The following EPB41L4A variants were observed in gnomAD, a reference collection of about 807,000 sequenced individuals.
EPB41L4A encodes the protein band 4.1-like protein 4A.
A neutral mutation model predicts 108.6 loss-of-function variants in EPB41L4A; 100 were observed. The ratio of observed to expected loss-of-function variants is 0.92; its 90% CI spans 0.78 to 1.09. The LOEUF (loss-of-function observed/expected upper bound fraction) is 1.09. Ranked by LOEUF, EPB41L4A falls within the 50% of genes least tolerant of loss-of-function variation. EPB41L4A has a pLI of 0.00. For missense variants in EPB41L4A, 1,030 were observed against 842.7 expected, an observed-to-expected ratio of 1.22 and a Z score of -2.75; for synonymous variants, 319 against 289.0, an observed-to-expected ratio of 1.10 and a Z score of -1.05.
At chr5:112,307,514 AT>A in intron 1 of EPB41L4A, 24 bp from the exon 2 acceptor site, 2 of 1,522,038 alleles carry the variant, frequency 1.3e-6, no homozygotes, top group Non-Finnish European at 1.8e-6. Flanking sequence ...TCAGTTTTAT[AT>A]TTTTTAACTG....
At chr5:112,142,764 T>G (rs1228321353) in exon 14 of EPB41L4A, 1 of 152,250 alleles carries the variant, frequency 6.6e-6, no homozygotes, top group African/African-American at 2.4e-5. Context: ...TTCTTAACTT[T>G]TGAAGTGTAT....
At chr5:112,311,862 T>C (rs1755075434) in intron 1 of EPB41L4A, among the ~76,000 whole-genome samples, 1 of 152,172 alleles carries the variant, frequency 6.6e-6, no homozygotes, top group South Asian at 2.1e-4. Context: ...ATGGGTCCTT[T>C]CTCCCATCTA....
chr5:112,142,223 G>A (rs986893535), downstream of EPB41L4A, among the ~76,000 whole-genome samples: 7 of 152,086 alleles, frequency 4.6e-5, no homozygotes, highest in Non-Finnish European at 7.3e-5. Context: ...CGAATCCCAC[G>A]GGATGGAGTT....
At chr5:112,405,790 TGATTC>T (rs1458953610) in intron 1 of EPB41L4A, among the ~76,000 whole-genome samples, 2 of 152,222 alleles carry the variant, frequency 1.3e-5, no homozygotes, top group African/African-American at 4.8e-5. Context: ...CTCCACCACA[TGATTC>T]AATACTTGAT....
chr5:112,239,925 A>T (rs1222932674), intron 10 of EPB41L4A, among the ~76,000 whole-genome samples, 188 bp from the exon 11 acceptor site: 1 of 152,234 alleles, frequency 6.6e-6, no homozygotes, highest in Non-Finnish European at 1.5e-5. Context: ...CCATTTAAAA[A>T]ACAAAACCAA....
intron 1 of EPB41L4A, among the ~76,000 whole-genome samples, chr5:112,368,050 C>A (rs987782862): frequency 5.9e-5 from 9 of 152,190 alleles, no homozygotes; most frequent in African/African-American, 2.2e-4. Flanking sequence ...TGTACAGAGA[C>A]TACTTGAGGG....
intron 12 of EPB41L4A, among the ~76,000 whole-genome samples, chr5:112,154,120 G>A (rs1053280689): frequency 6.6e-6 from 1 of 152,138 alleles, no homozygotes; most frequent in Admixed American, 6.6e-5. Flanking sequence ...AATAATGTAA[G>A]TGTGGATATA....
Position 112,164,982 on chromosome 5 carries a change from C to T in EPB41L4A, c.*8G>A. The T allele has an allele frequency of 3.1e-6, 5 of 1,610,624 alleles. No homozygotes were observed. Among genetic ancestry groups the T allele is most frequent in the Non-Finnish European group, 4.2e-6 (5 of 1,178,962 alleles). On this transcript the variant is annotated 3_prime_UTR_variant, in exon 23 of 23. Coordinates refer to ENST00000261486, the MANE Select transcript of EPB41L4A (RefSeq NM_022140.5). Reference sequence around the variant, plus strand: ...CTTCCCACCCCTACCCTTGACCCTTCATCAGGATCAAGTCTCTGTCTTGAG... The same window carrying T: ...CTTCCCACCCCTACCCTTGACCCTTTATCAGGATCAAGTCTCTGTCTTGAG...
intron 12 of EPB41L4A, among the ~76,000 whole-genome samples, chr5:112,229,987 C>CAA (rs71224877): frequency 1.6e-4 from 12 of 77,216 alleles, no homozygotes; most frequent in African/African-American, 3.8e-4. Context: ...GACTCTGTCT[C>CAA]AAAAAAAAAA....
At chr5:112,287,273 C>CA (rs1256238622) in intron 2 of EPB41L4A, among the ~76,000 whole-genome samples, 2 of 151,990 alleles carry the variant, frequency 1.3e-5, no homozygotes, top group Admixed American at 1.3e-4. Context: ...TCTACCCCCT[C>CA]AAAAAAAATT....
intron 1 of EPB41L4A, among the ~76,000 whole-genome samples, chr5:112,370,047 C>A (rs984377682): frequency 1.3e-5 from 2 of 152,150 alleles, no homozygotes; most frequent in Admixed American, 6.5e-5. Flanking sequence ...TGGTTTGAGA[C>A]AGGGTCTTAC....
chr5:112,386,431 T>G (rs1760531573), intron 1 of EPB41L4A, among the ~76,000 whole-genome samples: 1 of 152,236 alleles, frequency 6.6e-6, no homozygotes, highest in Admixed American at 6.5e-5. Flanking sequence ...TTATAGTAAT[T>G]ATTTTAAGAA....
chr5:112,361,105 G>A (rs1248003112), intron 1 of EPB41L4A, among the ~76,000 whole-genome samples: 3 of 152,228 alleles, frequency 2.0e-5, no homozygotes, highest in Non-Finnish European at 2.9e-5. Flanking sequence ...AAAAGAAAGA[G>A]AGATCGGATT....
intron 1 of EPB41L4A, among the ~76,000 whole-genome samples, chr5:112,378,302 A>T (rs1267412437): frequency 6.6e-6 from 1 of 152,140 alleles, no homozygotes; most frequent in East Asian, 1.9e-4. Flanking sequence ...AGCTTGCAAA[A>T]TTTTAGTCAC....
At chr5:112,292,801 TA>T (rs534681263) in intron 2 of EPB41L4A, among the ~76,000 whole-genome samples, 1 of 151,420 alleles carries the variant, frequency 6.6e-6, no homozygotes, top group Non-Finnish European at 1.5e-5. Context: ...ACCCTAAATT[TA>T]AAAAAAAACT....
At chr5:112,149,576 A>G (rs1023919856) in intron 12 of EPB41L4A, among the ~76,000 whole-genome samples, 20 of 152,238 alleles carry the variant, frequency 1.3e-4, no homozygotes, top group Admixed American at 7.2e-4. Flanking sequence ...AGGATTAGTG[A>G]TAAGCCCTTC....
chr5:112,386,826 A>G (rs1272471761), intron 1 of EPB41L4A, among the ~76,000 whole-genome samples: 1 of 152,222 alleles, frequency 6.6e-6, no homozygotes, highest in African/African-American at 2.4e-5. Context: ...GGGAATAGAA[A>G]GTGATTCTCC....
intron 13 of EPB41L4A, among the ~76,000 whole-genome samples, chr5:112,145,243 T>A (rs183117706): frequency 5.8e-4 from 88 of 152,286 alleles, no homozygotes; most frequent in Admixed American, 3.5e-3. Flanking sequence ...TGAGCCAAGA[T>A]CACATTGCTG....
At chr5:112,222,594 T>C (rs1349742043) in intron 12 of EPB41L4A, among the ~76,000 whole-genome samples, 2 of 152,188 alleles carry the variant, frequency 1.3e-5, no homozygotes, top group Non-Finnish European at 2.9e-5. Flanking sequence ...TCCCCTCTCT[T>C]CTCAAAGCTG....
Sources: allele counts gnomAD v4.1 joint callset (sites outside exome capture counted in the v4.1 genomes callset), GRCh38; gene constraint gnomAD v4.1.1; transcripts MANE v1.5; gene names NCBI Gene and HGNC (gene_info 2026-07-23, HGNC 2026-07-21).